Variants in S100PBP observed in about 807,000 individuals in gnomAD.
S100PBP encodes the protein S100P-binding protein.
In S100PBP, 15 loss-of-function variants were observed where a neutral mutation model predicts 39.9. The ratio of observed to expected loss-of-function variants is 0.38; its 90% CI spans 0.25 to 0.58. The LOEUF is 0.58. S100PBP is among the 20% of genes least tolerant of loss of function. The pLI is 0.70. For synonymous variants in S100PBP, 178 were observed against 180.3 expected (o/e 0.99, Z 0.10); for missense variants, 504 against 487.3 (o/e 1.03, Z -0.32).
At chr1:32,843,224 TA>T (rs1173228307) in intron 5 of S100PBP, 1 of 152,220 alleles carries the variant, frequency 6.6e-6, no homozygotes, top group African/African-American at 2.4e-5. Flanking sequence ...AAGAAATTTT[TA>T]CTTGTTTCTT....
chr1:32,832,655 C>A lies in S100PBP; in HGVS notation c.1024+2588C>A, dbSNP rs146886276. On this transcript the variant is annotated intron_variant, in intron 5 of 6. Coordinates refer to ENST00000373475, the MANE Select transcript of S100PBP (RefSeq NM_022753.4). ...AGGGCGGGGGTGGTATGTTCTTCACCTTTCCTCCATTTGTATGTGAATTAT... is the reference window on the plus strand; with the variant it reads ...AGGGCGGGGGTGGTATGTTCTTCACATTTCCTCCATTTGTATGTGAATTAT... Among the ~76,000 whole-genome samples, 872 of 152,234 alleles carry A rather than the reference C, an allele frequency of 5.7e-3. 8 individuals are homozygous for A. Among genetic ancestry groups the A allele is most frequent in the African/African-American group, 0.02 (810 of 41,524 alleles).
chr1:32,852,287 T>A (rs561354953), intron 5 of S100PBP, among the ~76,000 whole-genome samples: 59 of 151,842 alleles, frequency 3.9e-4, no homozygotes, highest in African/African-American at 1.4e-3. Flanking sequence ...CACTCTAGCC[T>A]GGACGACAGA....
chr1:32,842,203 ACAT>A (rs1252710664), intron 5 of S100PBP, among the ~76,000 whole-genome samples: 1 of 81,342 alleles, frequency 1.2e-5, no homozygotes, highest in African/African-American at 4.9e-5. Context: ...AAAAAAAAAA[ACAT>A]ATATATATAT....
rs1639349851 is a variant in S100PBP, at chr1:32,826,762, G to A, written c.663G>A (p.Gln221=). 6 of 1,614,090 alleles carry A rather than the reference G, an allele frequency of 3.7e-6. No individual in the cohort carries two copies. Among genetic ancestry groups the A allele is most frequent in the Non-Finnish European group, 5.1e-6 (6 of 1,180,006 alleles). ...CTTCTTCAAACAATAACTTTCAACA[G>A]ACTGTCTCTGATAAAAATATGCCTG... ...QLSSSNNNFQ[Q]TVSDKNMPDS... is the part of the protein sequence containing the mutation. The change falls in exon 3 of 7, where the codon CAG becomes CAA. Residue 221 remains glutamine, a synonymous_variant. Coordinates refer to ENST00000373475, the MANE Select transcript of S100PBP (RefSeq NM_022753.4).
intron 5 of S100PBP, among the ~76,000 whole-genome samples, chr1:32,837,338 T>A (rs1221580476): frequency 6.7e-6 from 1 of 148,408 alleles, no homozygotes; most frequent in Admixed American, 6.7e-5. Flanking sequence ...CAGGCTGGAG[T>A]GCAGTGGCGT....
At chr1:32,817,567 C>T (rs2148621532), upstream of S100PBP, 2 of 519,758 alleles carry the variant, frequency 3.8e-6, no homozygotes, top group South Asian at 4.5e-5. Flanking sequence ...TGCTGGTTTG[C>T]CCTCCCCCTG....
intron 4 of S100PBP, among the ~76,000 whole-genome samples, chr1:32,828,529 C>T (rs926899309): frequency 2.6e-5 from 4 of 151,966 alleles, no homozygotes; most frequent in Non-Finnish European, 4.4e-5. Flanking sequence ...TGCAAATTTG[C>T]GTCATCTTTT....
chr1:32,833,369 TC>T (rs1639683283), intron 5 of S100PBP, among the ~76,000 whole-genome samples: 1 of 151,188 alleles, frequency 6.6e-6, no homozygotes, highest in Admixed American at 6.6e-5. Flanking sequence ...TTTATTATTT[TC>T]TTTTTTTTTT....
At chr1:32,836,662 T>A in intron 5 of S100PBP, 1 of 780,266 alleles carries the variant, frequency 1.3e-6, no homozygotes, top group Non-Finnish European at 1.6e-6. Flanking sequence ...CCTTCTGTTC[T>A]ACTGCTCCAA....
Position 32,850,242 on chromosome 1 carries a change from G to A in S100PBP, c.1025-2837G>A, listed in dbSNP as rs574136666. Among the ~76,000 whole-genome samples the A allele has an allele frequency of 2.6e-5, 4 of 152,290 alleles. No individual in the cohort carries two copies. In the South Asian group the frequency reaches 8.3e-4, roughly 32 times the overall value. On this transcript the variant is annotated intron_variant, in intron 5 of 6. Transcript: ENST00000373475. ...ATAATCTTGTGGTTCCATTTTGATG[G>A]ACACAGAATTTCCATATATTGCTAG...
Position 32,853,079 on chromosome 1 carries a change from G to C in S100PBP, c.1025G>C (p.Gly342Ala). The change falls in exon 6 of 7, where the codon GGT (glycine) becomes GCT (alanine). Residue 342 changes from glycine to alanine, a missense_variant and splice_region_variant. Physicochemically the swap from Gly to Ala is moderately conservative, Grantham distance 60 (BLOSUM62 0). Coordinates refer to ENST00000373475, the MANE Select transcript of S100PBP (RefSeq NM_022753.4). Reference sequence around the variant, plus strand: ...AACCACTGATCCCTCTGTATCACAGGTATCTCGGGGGAGCTTTGTGCCTTG... The same window carrying C: ...AACCACTGATCCCTCTGTATCACAGCTATCTCGGGGGAGCTTTGTGCCTTG... ...HIEDPEDTNQ[G>A]ISGELCALMD... The C allele has an allele frequency of 6.2e-7, 1 of 1,610,626 alleles. No homozygotes were observed. Among genetic ancestry groups the C allele is most frequent in the Non-Finnish European group, 8.5e-7 (1 of 1,177,334 alleles).
chr1:32,832,274 C>A (rs564934865), intron 5 of S100PBP, among the ~76,000 whole-genome samples: 398 of 35,400 alleles, frequency 0.011, 3 homozygotes, highest in African/African-American at 0.032. Flanking sequence ...TTTTTTCATA[C>A]TGAAGTTTTT....
intron 5 of S100PBP, chr1:32,847,391 TC>T (rs1051985376): frequency 6.6e-6 from 1 of 152,232 alleles, no homozygotes; most frequent in African/African-American, 2.4e-5. Context: ...TCCTCGGGGA[TC>T]ACAATTTTCA....
chr1:32,817,725 C>G, intron 1 of S100PBP, 36 bp downstream of exon 1: 1 of 206,348 alleles, frequency 4.8e-6, no homozygotes, highest in Non-Finnish European at 1.0e-5. Context: ...TCGGCGTTAC[C>G]CGGCTTGGAG....
Position 32,858,008 on chromosome 1 carries a change from G to A in S100PBP, c.*1970G>A, listed in dbSNP as rs1448001184. 6.6e-6 allele frequency: 1 copy of A among 152,100 alleles called. No homozygotes were observed. Among genetic ancestry groups the A allele is most frequent in the Non-Finnish European group, 1.5e-5 (1 of 68,030 alleles). 9.4% of individuals were successfully genotyped at this position (152,100 alleles called of 1,614,324 possible). A position where few individuals can be genotyped will look rare whatever the true frequency, so the allele number is the denominator to read the frequency against. On this transcript the variant is annotated 3_prime_UTR_variant, in exon 7 of 7. Coordinates refer to ENST00000373475, the MANE Select transcript of S100PBP (RefSeq NM_022753.4). ...TAGCCTACTTGGCATTTACTACATC[G>A]GTCACTTCTCCAGGCTGCCCTAAAT...
chr1:32,846,686 G>A (rs1640392929), intron 5 of S100PBP: 1 of 151,832 alleles, frequency 6.6e-6, no homozygotes, highest in Non-Finnish European at 1.5e-5. Context: ...GCTCACTGTA[G>A]TCTTGACCTC....
intron 5 of S100PBP, among the ~76,000 whole-genome samples, chr1:32,839,652 A>G (rs1178433785): frequency 6.6e-6 from 1 of 152,136 alleles, no homozygotes; most frequent in Non-Finnish European, 1.5e-5. Flanking sequence ...GTTAAACTAC[A>G]GGTGCACACC....
rs746850913 is a variant in S100PBP, at chr1:32,826,748, A to C, written c.649A>C (p.Asn217His). 3 of 1,614,150 alleles carry C rather than the reference A, an allele frequency of 1.9e-6. No individual in the cohort carries two copies. Among genetic ancestry groups the C allele is most frequent in the Non-Finnish European group, 2.5e-6 (3 of 1,180,018 alleles). The change falls in exon 3 of 7, where the codon AAT becomes CAT. Residue 217 changes from asparagine (N) to histidine (H), a missense_variant. Physicochemically the swap from Asn to His is moderately conservative, Grantham distance 68. Transcript: ENST00000373475. ...WNGPQLSSSN[N>H]NFQQTVSDKN... ...TGGGCCCCAGCTCTCTTCTTCAAAC[A>C]ATAACTTTCAACAGACTGTCTCTGA...
chr1:32,832,217 G>A (rs1473332145), intron 5 of S100PBP, among the ~76,000 whole-genome samples: 1 of 152,092 alleles, frequency 6.6e-6, no homozygotes, highest in African/African-American at 2.4e-5. Context: ...CCTAGCTCTA[G>A]TAACTAACAT....
Sources: allele counts gnomAD v4.1 joint callset (sites outside exome capture counted in the v4.1 genomes callset), GRCh38; gene constraint gnomAD v4.1.1; transcripts MANE v1.5; gene names NCBI Gene and HGNC (gene_info 2026-07-23, HGNC 2026-07-21).